ZGLP1: variants seen among roughly 807,000 people sequenced by gnomAD.
ZGLP1 encodes the protein zinc finger GATA like protein 1.
ZGLP1 carries 11 observed loss-of-function variants against 21.4 expected under a neutral mutation model. The observed-to-expected ratio is 0.51, with a 90% CI of 0.32 to 0.85. The LOEUF is 0.85. Ranked by LOEUF, ZGLP1 falls within the 40% of genes least tolerant of loss-of-function variation. The pLI is 0.03. For synonymous variants in ZGLP1, 148 were observed against 145.0 expected (o/e 1.02, Z -0.15); for missense variants, 295 against 355.6 (o/e 0.83, Z 1.37).
At chr19:10,308,362 C>T in exon 1 of ZGLP1, 1 of 1,607,542 alleles carries the variant, frequency 6.2e-7, no homozygotes, top group Non-Finnish European at 8.5e-7. Flanking sequence ...GCCCTTTTGG[C>T]TGATCCTGGT....
In ZGLP1 at chr19:10,305,537, G is replaced by A; in HGVS notation, c.605-54C>T. On this transcript the variant is annotated intron_variant, in intron 2 of 3. Coordinates refer to ENST00000403903, the Ensembl canonical transcript of ZGLP1. The surrounding 1 kb of genome is among the most constrained non-coding windows in gnomAD (Gnocchi z 4.7). ...GTCAGAGGCCAAGCATGTGAGCTCG[G>A]GATGCCTGTGCGGAGTCGGGCATTT... 2.0e-6 allele frequency: 3 copies of A among 1,481,410 alleles called. No homozygotes were observed. Among genetic ancestry groups the A allele is most frequent in the Non-Finnish European group, 1.9e-6 (2 of 1,080,312 alleles). The allele number at this position is 1,481,410 out of a possible 1,614,324, so 91.8% of individuals were successfully genotyped here.
At chr19:10,307,316 G>A (rs1295587350) in intron 1 of ZGLP1, among the ~76,000 whole-genome samples, 1 of 150,634 alleles carries the variant, frequency 6.6e-6, no homozygotes, top group African/African-American at 2.4e-5. Flanking sequence ...GGGATTACAG[G>A]TGTGAGCCAC....
intron 1 of ZGLP1, among the ~76,000 whole-genome samples, chr19:10,306,572 G>A (rs1568304871): frequency 2.0e-5 from 3 of 151,066 alleles, no homozygotes; most frequent in African/African-American, 7.3e-5. Flanking sequence ...CAATACAACA[G>A]TTTTTTTTTC....
rs201628300 is a variant in ZGLP1 at position 10,308,592 on chromosome 19, C to T, written c.90G>A (p.Arg30=). Residue 30 remains arginine (R), a synonymous_variant, in exon 1 of 4, where the codon AGG becomes AGA. Transcript: ENST00000403903. ...TGGGGTCACGTTTTCTTGGGTGACTCCTGGGTTTAGCCGGCCAGGGGGTTC... is the reference window on the plus strand; with the variant it reads ...TGGGGTCACGTTTTCTTGGGTGACTTCTGGGTTTAGCCGGCCAGGGGGTTC... The T allele has an allele frequency of 2.5e-6, 4 of 1,575,720 alleles. No individual in the cohort carries two copies. The East Asian group carries it at 6.8e-5, about 27-fold the overall frequency.
exon 1 of ZGLP1, chr19:10,309,034 C>T (rs866589060): frequency 2.0e-5 from 4 of 197,844 alleles, no homozygotes; most frequent in Non-Finnish European, 4.1e-5. Context: ...AGGCACGCGC[C>T]ACCACGCCGC....
intron 1 of ZGLP1, among the ~76,000 whole-genome samples, chr19:10,307,179 A>G (rs937259525): frequency 6.6e-6 from 1 of 151,910 alleles, no homozygotes; most frequent in African/African-American, 2.4e-5. Flanking sequence ...TAAAAAAGTC[A>G]TAATTATAAT....
exon 1 of ZGLP1, chr19:10,308,213 A>G: frequency 6.5e-7 from 1 of 1,549,706 alleles, no homozygotes; most frequent in Non-Finnish European, 8.7e-7. Flanking sequence ...TGCAGGCTGG[A>G]GTCCGGCTTT....
In ZGLP1 at chr19:10,308,430, C is replaced by A. The variant is rs764100701; in HGVS notation, c.252G>T (p.Pro84=). The A allele has an allele frequency of 1.5e-5, 24 of 1,608,978 alleles. No individual in the cohort carries two copies. In the South Asian group the frequency reaches 2.2e-4, roughly 15 times the overall value. ...GGCGGCCCTGAGTCCCCAGAGCCAT[C>A]GGGTCCCAGCAAGGCCCCAGGACCG... Residue 84 remains proline (P), a synonymous_variant, in exon 1 of 4, where the codon CCG becomes CCT. Transcript: ENST00000403903.
chr19:10,306,572 GT>G (rs966943767), intron 1 of ZGLP1, among the ~76,000 whole-genome samples: 14 of 151,066 alleles, frequency 9.3e-5, no homozygotes, highest in African/African-American at 7.3e-5. Flanking sequence ...CAATACAACA[GT>G]TTTTTTTTCT....
At position 10,308,614 on chromosome 19, in the gene ZGLP1, G is replaced by C. The variant is rs767648109; in HGVS notation, c.68C>G (p.Thr23Ser). The C allele has an allele frequency of 5.2e-6, 8 of 1,540,460 alleles. No individual in the cohort carries two copies. The Admixed American group carries it at 8.3e-5, about 16-fold the overall frequency. The stretch of plus-strand genomic sequence containing the variant: ...ACTCCTGGGTTTAGCCGGCCAGGGG[G>C]TTCCAACTTGGGCCGGCTCTTTGTG... The change falls in exon 1 of 4, where the codon ACC (threonine) becomes AGC (serine). Residue 23 changes from threonine (T) to serine (S), a missense_variant. Thr to Ser is a moderately conservative substitution (Grantham distance 58). This residue lies in a region of ZGLP1 where 252 missense variants were observed against 264.0 expected (regional missense o/e 0.95). Coordinates refer to ENST00000403903, the Ensembl canonical transcript of ZGLP1.
intron 1 of ZGLP1, among the ~76,000 whole-genome samples, chr19:10,306,894 G>A (rs1035042106): frequency 3.3e-5 from 5 of 152,110 alleles, no homozygotes; most frequent in African/African-American, 1.2e-4. Context: ...AACACTTTGG[G>A]AGGGCAAGGC....
chr19:10,309,732 C>T (rs990911285), exon 1 of ZGLP1: 4 of 152,254 alleles, frequency 2.6e-5, no homozygotes, highest in African/African-American at 9.7e-5. Context: ...CCGCAGCTGC[C>T]GGGGCGGGGC....
chr19:10,308,779 A>G, exon 1 of ZGLP1: 2 of 1,182,198 alleles, frequency 1.7e-6, no homozygotes, highest in Non-Finnish European at 2.2e-6. Flanking sequence ...ACATCAATCA[A>G]CCCCTTACGG....
exon 1 of ZGLP1, chr19:10,308,621 C>T: frequency 6.5e-7 from 1 of 1,533,342 alleles, no homozygotes; most frequent in Non-Finnish European, 8.8e-7. Context: ...GGGGTTCCAA[C>T]TTGGGCCGGC....
chr19:10,305,772 G>C lies in ZGLP1; in HGVS notation c.604+74C>G, dbSNP rs993354842. 38 of 1,204,078 alleles carry C rather than the reference G, an allele frequency of 3.2e-5. No individual in the cohort carries two copies. The highest frequency in any genetic ancestry group is 3.6e-5 in the Non-Finnish European group (30 of 831,154). 74.6% of individuals were successfully genotyped at this position (1,204,078 alleles called of 1,614,324 possible). On this transcript the variant is annotated intron_variant, in intron 2 of 3. Transcript: ENST00000403903. This position sits in a 1 kb window ranked among gnomAD's most constrained non-coding sequence, Gnocchi z 4.7. ...GGGGAAGCAAGATGGAGAAGGGGGG[G>C]GCAGGGAGAAAGGCAGGGAAGACAG...
chr19:10,307,145 A>T (rs931279096), intron 1 of ZGLP1, among the ~76,000 whole-genome samples: 1 of 151,998 alleles, frequency 6.6e-6, no homozygotes, highest in African/African-American at 2.4e-5. Context: ...AAAAAAAAAA[A>T]AAATATTGTT....
At chr19:10,309,032 G>A (rs886947268) in exon 1 of ZGLP1, 3 of 198,270 alleles carry the variant, frequency 1.5e-5, no homozygotes, top group Admixed American at 5.9e-5. Flanking sequence ...ACAGGCACGC[G>A]CCACCACGCC....
At position 10,305,478 on chromosome 19, in the gene ZGLP1, G is replaced by T. The variant is rs1245256131; in HGVS notation, c.610C>A (p.Arg204=). The T allele has an allele frequency of 6.3e-7, 1 of 1,593,818 alleles. No homozygotes were observed. ...TGGGTCCGACAGGAAGCACAGCGCC[G>T]GGGCTCTGAAGGGTCAGAGGTCAAA... The change falls in exon 3 of 4, where the codon CGG becomes AGG. Residue 204 remains arginine (R), a synonymous_variant. Transcript: ENST00000403903. This position sits in a 1 kb window ranked among gnomAD's most constrained non-coding sequence, Gnocchi z 4.7.
exon 1 of ZGLP1, chr19:10,308,973 C>T: frequency 3.8e-6 from 1 of 265,416 alleles, no homozygotes; most frequent in Non-Finnish European, 7.1e-6. Flanking sequence ...CCTAGAACTC[C>T]TGGGCTCGAC....
Sources: allele counts gnomAD v4.1 joint callset (sites outside exome capture counted in the v4.1 genomes callset), GRCh38; gene constraint gnomAD v4.1.1; regional missense constraint gnomAD v4.1.1; non-coding constraint Gnocchi (gnomAD v3.1); transcripts MANE v1.5; gene names NCBI Gene and HGNC (gene_info 2026-07-23, HGNC 2026-07-21).